PHACTR2: variants seen among roughly 807,000 people sequenced by gnomAD.
The protein encoded by PHACTR2 is chromosome 6 open reading frame 56.
In PHACTR2, 30 loss-of-function variants were observed where a neutral mutation model predicts 76.0. The ratio of observed to expected loss-of-function variants is 0.39; its 90% confidence interval spans 0.30 to 0.54. The LOEUF (loss-of-function observed/expected upper bound fraction) is 0.54, where lower values mean the gene tolerates loss of function less well. Ranked by LOEUF, PHACTR2 falls within the 20% of genes least tolerant of loss-of-function variation. The pLI, the probability that PHACTR2 is intolerant of heterozygous loss-of-function variation, is 0.61. For synonymous variants in PHACTR2, 292 were observed against 292.5 expected, an observed-to-expected ratio of 1.00 and a Z score of 0.02; for missense variants, 696 against 781.1, an observed-to-expected ratio of 0.89 and a Z score of 1.30.
intron 1 of PHACTR2, among the ~76,000 whole-genome samples, chr6:143,620,701 TG>T (rs1175626113): frequency 6.6e-5 from 10 of 152,254 alleles, no homozygotes; most frequent in African/African-American, 2.2e-4. Context: ...AGTATATGCT[TG>T]GCCATCGGCC....
chr6:143,640,942 G>A (rs1366037875), intron 1 of PHACTR2, among the ~76,000 whole-genome samples: 1 of 152,180 alleles, frequency 6.6e-6, no homozygotes, highest in South Asian at 2.1e-4. Flanking sequence ...ACACACAGAA[G>A]AGAAGGCATG....
At chr6:143,649,105 C>A (rs950510859) in intron 1 of PHACTR2, among the ~76,000 whole-genome samples, 1 of 152,080 alleles carries the variant, frequency 6.6e-6, no homozygotes, top group Non-Finnish European at 1.5e-5. Context: ...TTCCACATGG[C>A]TTCTGTATGA....
intron 12 of PHACTR2, among the ~76,000 whole-genome samples, chr6:143,812,163 G>A (rs2128485001): frequency 6.6e-6 from 1 of 152,216 alleles, no homozygotes; most frequent in Non-Finnish European, 1.5e-5. Context: ...GTGTACAATG[G>A]AAGGACCCAC....
rs1778985955 is a variant in PHACTR2 at position 143,743,337 on chromosome 6, C to T, written c.215-5648C>T. ...AAGGAAAGTGATGGGAAAAATGGTTCGCTGGGACGGGTTGTAAAGCTTGGC... is the reference window on the plus strand; with the variant it reads ...AAGGAAAGTGATGGGAAAAATGGTTTGCTGGGACGGGTTGTAAAGCTTGGC... On this transcript the variant is annotated intron_variant, in intron 2 of 12. Coordinates refer to ENST00000440869, the MANE Select transcript of PHACTR2 (RefSeq NM_001100164.2). The surrounding 1 kb of genome is among the most constrained non-coding windows in gnomAD (Gnocchi z 5.0). 1.3e-5 allele frequency among the ~76,000 whole-genome samples: 2 copies of T among 152,170 alleles called. No individual in the cohort carries two copies. Among genetic ancestry groups the T allele is most frequent in the Admixed American group, 1.3e-4 (2 of 15,280 alleles).
rs1021751113 is a variant in PHACTR2, at chr6:143,592,432, A to G, written c.217+55225A>G. ...AGGTAGGGAACCCCAATTAACTGAG[A>G]TTTTTCCATCCAAAGCCTTGGATGG... is the stretch of plus-strand genomic sequence containing the variant. On this transcript the variant is annotated intron_variant, in intron 1 of 11. Transcript: ENST00000367584. This position sits in a 1 kb window ranked among gnomAD's most constrained non-coding sequence, Gnocchi z 4.0. 1.3e-5 allele frequency among the ~76,000 whole-genome samples: 2 copies of G among 152,006 alleles called. No homozygotes were observed. Among genetic ancestry groups the G allele is most frequent in the African/African-American group, 4.8e-5 (2 of 41,380 alleles).
chr6:143,683,851 C>T lies in PHACTR2; in HGVS notation c.46+5642C>T, dbSNP rs1777453303. 6.6e-6 allele frequency among the ~76,000 whole-genome samples: 1 copy of T among 152,122 alleles called. No individual in the cohort carries two copies. The highest frequency in any genetic ancestry group is 1.5e-5 in the Non-Finnish European group (1 of 68,034). The stretch of plus-strand genomic sequence containing the variant: ...CCAGTCCCACTTTTCATCTATAACC[C>T]AGCATGAACAGTTTTTTTCATTCCA... On this transcript the variant is annotated intron_variant, in intron 1 of 12. Transcript: ENST00000440869. This position sits in a 1 kb window ranked among gnomAD's most constrained non-coding sequence, Gnocchi z 4.1.
chr6:143,636,006 G>A (rs1180979644), intron 1 of PHACTR2, among the ~76,000 whole-genome samples: 2 of 152,100 alleles, frequency 1.3e-5, no homozygotes, highest in South Asian at 2.1e-4. Flanking sequence ...CCAGGAGTTC[G>A]AGGCCAGCCT....
rs1251226736 is a variant in PHACTR2, at chr6:143,591,104, T to C, written c.217+53897T>C. On this transcript the variant is annotated intron_variant, in intron 1 of 11. Transcript: ENST00000367584. This position sits in a 1 kb window ranked among gnomAD's most constrained non-coding sequence, Gnocchi z 6.4. ...ATATTTTGAAATATTAACAGGTTTTTTTTCTGTAATTCTTTGTGCCTTGTG... is the reference window on the plus strand; with the variant it reads ...ATATTTTGAAATATTAACAGGTTTTCTTTCTGTAATTCTTTGTGCCTTGTG... 6.6e-6 allele frequency among the ~76,000 whole-genome samples: 1 copy of C among 152,048 alleles called. No individual in the cohort carries two copies. Among genetic ancestry groups the C allele is most frequent in the Admixed American group, 6.5e-5 (1 of 15,286 alleles).
At position 143,596,203 on chromosome 6, in the gene PHACTR2, T is replaced by C. The variant is rs763027869; in HGVS notation, c.217+58996T>C. Among the ~76,000 whole-genome samples, 1 of 152,176 alleles carries C rather than the reference T, an allele frequency of 6.6e-6. No homozygotes were observed. Among genetic ancestry groups the C allele is most frequent in the African/African-American group, 2.4e-5 (1 of 41,448 alleles). ...GGCCTGCAAAACTGGCCATGAAAAA[T>C]ACTTTTGTTGTCCCCAGCAAGCCAG... On this transcript the variant is annotated intron_variant, in intron 1 of 11. Transcript: ENST00000367584. This position sits in a 1 kb window ranked among gnomAD's most constrained non-coding sequence, Gnocchi z 4.6.
Position 143,697,621 on chromosome 6 carries a change from A to G in PHACTR2, c.47-14395A>G, listed in dbSNP as rs78951860. 4.1e-3 allele frequency among the ~76,000 whole-genome samples: 626 copies of G among 152,268 alleles called. 3 individuals are homozygous for G. Among genetic ancestry groups the G allele is most frequent in the Non-Finnish European group, 5.8e-3 (395 of 68,006 alleles). ...TTAATCATCCTTCCTGCTGGCTCTG[A>G]TATTTTCCCAATTTCAAACATTAGT... On this transcript the variant is annotated intron_variant, in intron 1 of 12. Transcript: ENST00000440869. This position sits in a 1 kb window ranked among gnomAD's most constrained non-coding sequence, Gnocchi z 4.4.
Position 143,621,734 on chromosome 6 carries a change from C to T in PHACTR2, c.13+13412C>T, listed in dbSNP as rs1776157968. Among the ~76,000 whole-genome samples the T allele has an allele frequency of 4.6e-5, 7 of 152,140 alleles. No homozygotes were observed. The highest frequency in any genetic ancestry group is 4.6e-4 in the Admixed American group (7 of 15,280). ...GTAGTTTAGGGTTGATTGTACTTGGCTTGAGTAGTAAGTATTATGTAACAT... is the reference window on the plus strand; with the variant it reads ...GTAGTTTAGGGTTGATTGTACTTGGTTTGAGTAGTAAGTATTATGTAACAT... On this transcript the variant is annotated intron_variant, in intron 1 of 11. Coordinates refer to the PHACTR2 transcript ENST00000305766. The surrounding 1 kb of genome is among the most constrained non-coding windows in gnomAD (Gnocchi z 4.1).
At chr6:143,551,929 C>T (rs1775101465) in intron 1 of PHACTR2, among the ~76,000 whole-genome samples, 1 of 152,180 alleles carries the variant, frequency 6.6e-6, no homozygotes, top group Non-Finnish European at 1.5e-5. Flanking sequence ...AATTTTCCTA[C>T]ATAGCTTTGT....
In PHACTR2 at chr6:143,742,702, G is replaced by A. The variant is rs1329285717; in HGVS notation, c.215-6283G>A. 2.0e-5 allele frequency among the ~76,000 whole-genome samples: 3 copies of A among 152,152 alleles called. No individual in the cohort carries two copies. The highest frequency in any genetic ancestry group is 4.4e-5 in the Non-Finnish European group (3 of 68,024). On this transcript the variant is annotated intron_variant, in intron 2 of 12. Transcript: ENST00000440869. The surrounding 1 kb of genome is among the most constrained non-coding windows in gnomAD (Gnocchi z 4.5). Reference sequence around the variant, plus strand: ...GGCCATTTCTAAAAGAAGTAGAAGAGGATGCTAGACATGCCTTTCCTCCTT... The same window carrying A: ...GGCCATTTCTAAAAGAAGTAGAAGAAGATGCTAGACATGCCTTTCCTCCTT...
rs541406045 is a variant in PHACTR2 at position 143,672,512 on chromosome 6, G to A, written c.14-39504G>A. Among the ~76,000 whole-genome samples, 42 of 152,140 alleles carry A rather than the reference G, an allele frequency of 2.8e-4. No individual in the cohort carries two copies. The highest frequency in any genetic ancestry group is 1.0e-3 in the African/African-American group (42 of 41,524). On this transcript the variant is annotated intron_variant, in intron 1 of 11. Transcript: ENST00000305766. The surrounding 1 kb of genome is among the most constrained non-coding windows in gnomAD (Gnocchi z 5.8). ...TGCAAGCAATAAACAAACAAATACA[G>A]TTAATTCTGACCACCTACTATTAGA... is the stretch of plus-strand genomic sequence containing the variant.
Position 143,760,720 on chromosome 6 carries a change from G to A in PHACTR2, c.694+80G>A. The A allele has an allele frequency of 6.7e-7, 1 of 1,500,906 alleles. No homozygotes were observed. Among genetic ancestry groups the A allele is most frequent in the Admixed American group, 2.1e-5 (1 of 47,476 alleles). 93.0% of individuals were successfully genotyped at this position (1,500,906 alleles called of 1,614,324 possible). On this transcript the variant is annotated intron_variant, in intron 5 of 12. Transcript: ENST00000440869. This position sits in a 1 kb window ranked among gnomAD's most constrained non-coding sequence, Gnocchi z 6.4. ...ATGGGGCTAATTGTTTCTTCTAGGT[G>A]TGATGGGCTTTTGGTGTCTTAGGAC...
rs1776087863 is a variant in PHACTR2, at chr6:143,618,193, C to G, written c.13+9871C>G. On this transcript the variant is annotated intron_variant, in intron 1 of 11. Coordinates refer to the PHACTR2 transcript ENST00000305766. The surrounding 1 kb of genome is among the most constrained non-coding windows in gnomAD (Gnocchi z 5.2). ...TTTGCTGTATCCATGTGACTTACCA[C>G]AGGCGCCCTGCTTTTTAGTGATAGA... is the stretch of plus-strand genomic sequence containing the variant. Among the ~76,000 whole-genome samples the G allele has an allele frequency of 6.6e-6, 1 of 151,996 alleles. No individual in the cohort carries two copies. Among genetic ancestry groups the G allele is most frequent in the South Asian group, 2.1e-4 (1 of 4,820 alleles).
At chr6:143,551,257 T>C (rs1466553853) in intron 1 of PHACTR2, among the ~76,000 whole-genome samples, 1 of 139,258 alleles carries the variant, frequency 7.2e-6, no homozygotes, top group Non-Finnish European at 1.6e-5. Flanking sequence ...ACCCTGTGTA[T>C]ACACTGTATT....
intron 11 of PHACTR2, among the ~76,000 whole-genome samples, chr6:143,804,536 A>T (rs730577): frequency 0.6 from 91,479 of 152,050 alleles, 27,663 homozygotes; most frequent in East Asian, 0.69. Context: ...CAGATGAGCC[A>T]GTAGGATATG....
chr6:143,796,754 G>A (rs564890949), intron 11 of PHACTR2, among the ~76,000 whole-genome samples: 2 of 152,238 alleles, frequency 1.3e-5, no homozygotes, highest in South Asian at 4.1e-4. Flanking sequence ...CCTTTTTTAT[G>A]GCTGCATAGT....
Sources: gnomAD v4.1 joint callset for allele counts (sites outside exome capture counted in the v4.1 genomes callset) on GRCh38, gnomAD v4.1.1 for gene constraint, Gnocchi (gnomAD v3.1) non-coding constraint, MANE v1.5 for transcripts, NCBI Gene and HGNC (gene_info 2026-07-23, HGNC 2026-07-21) for gene names.